The following SEMA5A variants were observed in gnomAD, a reference collection of about 807,000 sequenced individuals.
SEMA5A encodes the protein semaphorin 5A.
A neutral mutation model predicts 135.5 loss-of-function variants in SEMA5A; 55 were observed. The observed-to-expected ratio is 0.41, with a 90% confidence interval of 0.33 to 0.51. The LOEUF (loss-of-function observed/expected upper bound fraction) is 0.51, where lower values mean the gene tolerates loss of function less well. Ranked by LOEUF, SEMA5A falls within the 20% of genes least tolerant of loss-of-function variation. The probability of loss-of-function intolerance (pLI) is 0.37; values close to 1 mark genes in which losing one functional copy is unlikely to be tolerated. For missense variants in SEMA5A, 1,290 were observed against 1,419.9 expected, an observed-to-expected ratio of 0.91 and a Z score of 1.47; for synonymous variants, 580 against 546.5, an observed-to-expected ratio of 1.06 and a Z score of -0.85.
intron 1 of SEMA5A, among the ~76,000 whole-genome samples, chr5:9,527,034 G>A (rs1344906613): frequency 3.9e-5 from 6 of 152,192 alleles, no homozygotes; most frequent in South Asian, 2.1e-4. Flanking sequence ...GGTATGGTAA[G>A]GGGAGTGTAA....
intron 5 of SEMA5A, among the ~76,000 whole-genome samples, chr5:9,243,641 TGCTA>T (rs1340814634): frequency 2.6e-5 from 4 of 152,162 alleles, no homozygotes; most frequent in Non-Finnish European, 5.9e-5. Context: ...ATGTGTGATG[TGCTA>T]GCTACAGTGC....
chr5:9,192,853 T>C (rs1226901235), intron 10 of SEMA5A, among the ~76,000 whole-genome samples: 1 of 152,120 alleles, frequency 6.6e-6, no homozygotes, highest in Non-Finnish European at 1.5e-5. Context: ...AGGTCTTGTT[T>C]TGTAAGCATA....
intron 5 of SEMA5A, among the ~76,000 whole-genome samples, chr5:9,266,948 G>T (rs1266866585): frequency 6.6e-6 from 1 of 152,186 alleles, no homozygotes; most frequent in African/African-American, 2.4e-5. Context: ...GAGATTTTAA[G>T]TATGCACCTA....
intron 11 of SEMA5A, among the ~76,000 whole-genome samples, chr5:9,176,767 T>C (rs1210554653): frequency 6.6e-6 from 1 of 152,170 alleles, no homozygotes; most frequent in Non-Finnish European, 1.5e-5. Context: ...ATGGCCACTC[T>C]GCCAGCTGAC....
chr5:9,104,359 A>G (rs1739791702), intron 16 of SEMA5A, among the ~76,000 whole-genome samples: 1 of 152,238 alleles, frequency 6.6e-6, no homozygotes, highest in Admixed American at 6.5e-5. Context: ...ATTTCAGGCA[A>G]TCATTAAATA....
At chr5:9,310,924 CAT>C (rs1752100019) in intron 5 of SEMA5A, among the ~76,000 whole-genome samples, 1 of 151,080 alleles carries the variant, frequency 6.6e-6, no homozygotes, top group South Asian at 2.1e-4. Flanking sequence ...TAGATTTCTT[CAT>C]ATGTGGAGAC....
At position 9,054,080 on chromosome 5, in the gene SEMA5A, C is replaced by T. The variant is rs771211233; in HGVS notation, c.2689+7G>A. ...GAAAGCTGTGCAGTAGGTGAGGTGC[C>T]GCTTACCTGGGCAGGGCTGCGTGTT... is the stretch of plus-strand genomic sequence containing the variant. On this transcript the variant is annotated splice_region_variant and intron_variant, in intron 19 of 22. Coordinates refer to ENST00000382496, the MANE Select transcript of SEMA5A (RefSeq NM_003966.3). 3.9e-5 allele frequency: 62 copies of T among 1,600,402 alleles called. No homozygotes were observed. Among genetic ancestry groups the T allele is most frequent in the South Asian group, 7.9e-5 (7 of 88,848 alleles).
At chr5:9,501,342 C>T (rs1735588425) in intron 1 of SEMA5A, among the ~76,000 whole-genome samples, 1 of 152,148 alleles carries the variant, frequency 6.6e-6, no homozygotes, top group African/African-American at 2.4e-5. Flanking sequence ...AATGAATTAC[C>T]TTTACTCTAA....
Position 9,521,113 on chromosome 5 carries a change from C to T in SEMA5A, c.-175+24471G>A, listed in dbSNP as rs114147101. Among the ~76,000 whole-genome samples, 327 of 152,308 alleles carry T rather than the reference C, an allele frequency of 2.1e-3. 3 individuals carry two copies. The highest frequency in any genetic ancestry group is 7.5e-3 in the African/African-American group (310 of 41,574). On this transcript the variant is annotated intron_variant, in intron 1 of 22. Coordinates refer to ENST00000382496, the MANE Select transcript of SEMA5A (RefSeq NM_003966.3). ...ACTTTTCTGGGCATCTAAGACTATT[C>T]TAGAACATTTTTTAGGCTAGGCCTG...
At chr5:9,363,847 A>G (rs1186206384) in intron 3 of SEMA5A, among the ~76,000 whole-genome samples, 2 of 152,198 alleles carry the variant, frequency 1.3e-5, no homozygotes, top group Non-Finnish European at 2.9e-5. Flanking sequence ...TTTTCAATTC[A>G]TGGAATGGCA....
intron 2 of SEMA5A, among the ~76,000 whole-genome samples, chr5:9,436,378 T>C (rs890441589): frequency 1.3e-5 from 2 of 152,158 alleles, no homozygotes; most frequent in Admixed American, 6.5e-5. Flanking sequence ...TGAATCTACG[T>C]GGGCTGGAGA....
At chr5:9,246,744 G>A (rs998003878) in intron 5 of SEMA5A, among the ~76,000 whole-genome samples, 3 of 152,142 alleles carry the variant, frequency 2.0e-5, no homozygotes, top group African/African-American at 7.2e-5. Context: ...GAAGCAGCAT[G>A]TTAGCATGGG....
At chr5:9,310,000 C>T (rs978621494) in intron 5 of SEMA5A, among the ~76,000 whole-genome samples, 2 of 127,288 alleles carry the variant, frequency 1.6e-5, no homozygotes, top group African/African-American at 2.7e-5. Context: ...TATTACACAG[C>T]GAGTCCAAAT....
chr5:9,205,520 A>G (rs865944353), intron 8 of SEMA5A, among the ~76,000 whole-genome samples: 1 of 152,110 alleles, frequency 6.6e-6, no homozygotes, highest in Non-Finnish European at 1.5e-5. Context: ...TTTTGCAGAC[A>G]AGGAGAAGAC....
intron 2 of SEMA5A, among the ~76,000 whole-genome samples, chr5:9,400,793 C>T (rs926520117): frequency 6.6e-6 from 1 of 152,140 alleles, no homozygotes; most frequent in South Asian, 2.1e-4. Context: ...AATGCACCAG[C>T]TCTCCAGATA....
rs570850747 is a variant in SEMA5A, at chr5:9,393,911, A to G, written c.-77-13888T>C. 2.2e-4 allele frequency among the ~76,000 whole-genome samples: 34 copies of G among 152,312 alleles called. 2 individuals are homozygous for G. Among genetic ancestry groups the G allele is most frequent in the Admixed American group, 2.0e-3 (31 of 15,298 alleles). On this transcript the variant is annotated intron_variant, in intron 2 of 22. Coordinates refer to ENST00000382496, the MANE Select transcript of SEMA5A (RefSeq NM_003966.3). ...GTCCATTGAGAGAATGCAAATATTC[A>G]TGGTCTCTTATATCACAGTGAAAAT...
intron 19 of SEMA5A, among the ~76,000 whole-genome samples, chr5:9,053,391 C>G (rs1279699255): frequency 6.6e-6 from 1 of 152,236 alleles, no homozygotes; most frequent in African/African-American, 2.4e-5. Flanking sequence ...GCTTTGCTAT[C>G]ACCAGTTTCT....
At chr5:9,221,299 C>CTTTTTT (rs869063755) in intron 8 of SEMA5A, among the ~76,000 whole-genome samples, 38 of 103,214 alleles carry the variant, frequency 3.7e-4, no homozygotes, top group Admixed American at 4.5e-4. Context: ...CGAACATTTT[C>CTTTTTT]TTTTTTTTTT....
rs527707432 is a variant in SEMA5A, at chr5:9,429,740, G to A, written c.-78+8016C>T. 6.1e-4 allele frequency among the ~76,000 whole-genome samples: 93 copies of A among 152,334 alleles called. 1 individual carries two copies. The highest frequency in any genetic ancestry group is 2.2e-3 in the African/African-American group (91 of 41,578). On this transcript the variant is annotated intron_variant, in intron 2 of 22. Transcript: ENST00000382496. ...AGAATGAAAAGACTGAGCAAGGAAA[G>A]TGGCTACTCTGTTCCAGGGAGACCA... is the stretch of plus-strand genomic sequence containing the variant.
Sources: allele counts gnomAD v4.1 joint callset (sites outside exome capture counted in the v4.1 genomes callset), GRCh38; gene constraint gnomAD v4.1.1; transcripts MANE v1.5; gene names NCBI Gene and HGNC (gene_info 2026-07-23, HGNC 2026-07-21).